The following DCC variants were observed in gnomAD, a reference collection of about 807,000 sequenced individuals.
The protein encoded by DCC is DCC netrin 1 receptor.
Under a neutral mutation model 172.5 loss-of-function variants are expected in DCC, and 58 were observed. That is an observed-to-expected ratio of 0.34 (90% CI 0.27 to 0.42). DCC has a LOEUF of 0.42. Among genes scored for constraint, DCC ranks in the 10% least tolerant of loss-of-function variants. DCC has a pLI of 1.00. For missense variants in DCC, 1,740 were observed against 1,791.0 expected (o/e 0.97, Z 0.51); for synonymous variants, 709 against 644.5 (o/e 1.10, Z -1.52).
chr18:52,542,095 A>T (rs1314014150), intron 1 of DCC, among the ~76,000 whole-genome samples: 1 of 150,116 alleles, frequency 6.7e-6, no homozygotes, highest in Non-Finnish European at 1.5e-5. Context: ...TACTTAAAAT[A>T]AATCTATACT....
At chr18:52,394,571 C>G (rs1986149677) in intron 1 of DCC, among the ~76,000 whole-genome samples, 1 of 152,010 alleles carries the variant, frequency 6.6e-6, no homozygotes, top group Non-Finnish European at 1.5e-5. Flanking sequence ...GCCACCACAC[C>G]TAGCCTCAGA....
At chr18:53,510,136 G>A (rs1054813339) in intron 27 of DCC, among the ~76,000 whole-genome samples, 82 of 152,132 alleles carry the variant, frequency 5.4e-4, no homozygotes, top group African/African-American at 1.9e-3. Flanking sequence ...GTTGTCCTTC[G>A]AAAGGGGTCA....
intron 3 of DCC, among the ~76,000 whole-genome samples, chr18:52,912,714 T>C (rs56104314): frequency 0.018 from 2,688 of 152,100 alleles, 90 homozygotes; most frequent in African/African-American, 0.062. Context: ...ATTCTAATCC[T>C]CTCAAACCCT....
chr18:52,450,206 T>G (rs963551916), intron 1 of DCC, among the ~76,000 whole-genome samples: 2 of 152,216 alleles, frequency 1.3e-5, no homozygotes, highest in African/African-American at 4.8e-5. Context: ...TTCATTATTT[T>G]TATAGTAACA....
chr18:52,696,656 T>C (rs1316325454), intron 1 of DCC, among the ~76,000 whole-genome samples: 1 of 151,976 alleles, frequency 6.6e-6, no homozygotes, highest in East Asian at 1.9e-4. Flanking sequence ...TCTAAGAGGG[T>C]GAAGTAGGAA....
intron 5 of DCC, among the ~76,000 whole-genome samples, chr18:52,989,505 A>C (rs1025637787): frequency 6.6e-6 from 1 of 152,200 alleles, no homozygotes; most frequent in African/African-American, 2.4e-5. Context: ...CCTGGGCGAC[A>C]AGAGGGAGAC....
intron 12 of DCC, among the ~76,000 whole-genome samples, chr18:53,298,511 CAG>C (rs1448774039): frequency 9.7e-6 from 1 of 103,120 alleles, no homozygotes; most frequent in Non-Finnish European, 1.7e-5. Context: ...CTGGATGACA[CAG>C]AGAGACCCTG....
chr18:53,356,579 GT>G (rs912506086), intron 15 of DCC, among the ~76,000 whole-genome samples: 3 of 152,114 alleles, frequency 2.0e-5, no homozygotes, highest in Non-Finnish European at 4.4e-5. Flanking sequence ...ATTTCTATGA[GT>G]TACATGGTTG....
chr18:53,464,160 C>T (rs1455305603), intron 24 of DCC, among the ~76,000 whole-genome samples: 2 of 152,134 alleles, frequency 1.3e-5, no homozygotes, highest in Admixed American at 1.3e-4. Context: ...GAGTTCAGGT[C>T]TATTTGATCT....
chr18:53,017,458 C>T (rs969728971), intron 5 of DCC, among the ~76,000 whole-genome samples: 1 of 152,044 alleles, frequency 6.6e-6, no homozygotes, highest in African/African-American at 2.4e-5. Context: ...ATCTAATTGT[C>T]ATTTTAATTA....
At chr18:52,659,164 C>G (rs1266144761) in intron 1 of DCC, among the ~76,000 whole-genome samples, 1 of 152,114 alleles carries the variant, frequency 6.6e-6, no homozygotes, top group South Asian at 2.1e-4. Context: ...ACAGATGGAA[C>G]TCAGTACAAT....
intron 5 of DCC, among the ~76,000 whole-genome samples, chr18:52,948,823 A>G (rs2040590774): frequency 1.3e-5 from 2 of 152,136 alleles, no homozygotes; most frequent in South Asian, 4.1e-4. Context: ...CATATGTCAT[A>G]TGTTGTTGTT....
chr18:53,179,497 A>G (rs1460411193), intron 9 of DCC, among the ~76,000 whole-genome samples: 2 of 152,212 alleles, frequency 1.3e-5, no homozygotes, highest in African/African-American at 4.8e-5. Flanking sequence ...TAAAAGAACA[A>G]TAACATACAA....
chr18:52,929,003 C>T (rs148800081), intron 5 of DCC, among the ~76,000 whole-genome samples: 1 of 152,196 alleles, frequency 6.6e-6, no homozygotes, highest in African/African-American at 2.4e-5. Context: ...TTCAAACTTC[C>T]AGGCTCATTA....
chr18:52,748,621 T>C (rs982504082), intron 1 of DCC, among the ~76,000 whole-genome samples: 1 of 152,132 alleles, frequency 6.6e-6, no homozygotes, highest in Admixed American at 6.5e-5. Context: ...CGGGCAGCAG[T>C]GGAGGGCTGG....
intron 15 of DCC, among the ~76,000 whole-genome samples, chr18:53,351,465 T>TATATATATATATATATATACA (rs1568075523): frequency 5.7e-5 from 1 of 17,446 alleles, no homozygotes; most frequent in Non-Finnish European, 1.2e-4. Context: ...ATACACAGTG[T>TATATATATATATATATATACA]GTATATATAT....
intron 23 of DCC, among the ~76,000 whole-genome samples, chr18:53,451,735 A>ATCTC (rs760128698): frequency 8.9e-6 from 1 of 112,158 alleles, no homozygotes; most frequent in South Asian, 3.2e-4. Flanking sequence ...CTCTCTCTCC[A>ATCTC]TCTCTCTCTC....
At chr18:52,840,914 A>G (rs1307656858) in intron 2 of DCC, among the ~76,000 whole-genome samples, 4 of 152,242 alleles carry the variant, frequency 2.6e-5, no homozygotes, top group South Asian at 4.1e-4. Context: ...AATGATAAAC[A>G]GGGAAACATA....
chr18:52,866,823 T>G (rs2039236124), intron 2 of DCC, among the ~76,000 whole-genome samples: 1 of 152,250 alleles, frequency 6.6e-6, no homozygotes, highest in African/African-American at 2.4e-5. Context: ...TCATGTCATC[T>G]GCAAACAGAC....
Sources: allele counts gnomAD v4.1 joint callset (sites outside exome capture counted in the v4.1 genomes callset), GRCh38; gene constraint gnomAD v4.1.1; transcripts MANE v1.5; gene names NCBI Gene and HGNC (gene_info 2026-07-23, HGNC 2026-07-21).